The following ITPRIP variants were observed in gnomAD, a reference collection of about 807,000 sequenced individuals.
ITPRIP encodes inositol 1,4,5-trisphosphate receptor interacting protein, also known as inositol 1,4,5-trisphosphate receptor-interacting protein.
A neutral mutation model predicts 35.8 loss-of-function variants in ITPRIP; 32 were observed. That is an observed-to-expected ratio of 0.89 (90% CI 0.68 to 1.20). The LOEUF (loss-of-function observed/expected upper bound fraction) is 1.20, where lower values mean the gene tolerates loss of function less well. ITPRIP is among the 50% of genes most tolerant of loss of function. The pLI, the probability that ITPRIP is intolerant of heterozygous loss-of-function variation, is 0.00. For missense variants in ITPRIP, 653 were observed against 735.6 expected (o/e 0.89, Z 1.30); for synonymous variants, 358 against 324.0 (o/e 1.11, Z -1.13).
intron 1 of ITPRIP, among the ~76,000 whole-genome samples, chr10:104,317,130 T>C (rs2013713669): frequency 6.6e-6 from 1 of 152,190 alleles, no homozygotes; most frequent in African/African-American, 2.4e-5. Flanking sequence ...CCTTACCCCA[T>C]ATTCAGACAC....
chr10:104,327,896 G>A (rs1241000170), intron 1 of ITPRIP, among the ~76,000 whole-genome samples: 1 of 152,226 alleles, frequency 6.6e-6, no homozygotes, highest in Non-Finnish European at 1.5e-5. Context: ...TGTCGCCCTG[G>A]TGTGCCCGAC....
intron 1 of ITPRIP, among the ~76,000 whole-genome samples, chr10:104,329,691 G>C (rs1172278168): frequency 6.6e-6 from 1 of 152,070 alleles, no homozygotes; most frequent in South Asian, 2.1e-4. Context: ...CAGAGGCTTA[G>C]AGAACCATTG....
Position 104,314,490 on chromosome 10 carries a change from TAGA to T in ITPRIP, c.1559_1561del (p.Phe520del). On this transcript the variant is annotated inframe_deletion, in exon 2 of 2. Transcript: ENST00000337478. Reference sequence around the variant, plus strand: ...CGCTGGGGCATTCTTGAGCATCTCATAGAAGGAGTCCAGTGTCTTACGGTAAAG... The same window carrying T: ...CGCTGGGGCATTCTTGAGCATCTCATAGGAGTCCAGTGTCTTACGGTAAAG... 1 of 1,614,134 alleles carries T rather than the reference TAGA, an allele frequency of 6.2e-7. No homozygotes were observed. Among genetic ancestry groups the T allele is most frequent in the Non-Finnish European group, 8.5e-7 (1 of 1,180,016 alleles).
In ITPRIP at chr10:104,326,062, T is replaced by A. The variant is rs920022929; in HGVS notation, c.-13-9998A>T. Among the ~76,000 whole-genome samples the A allele has an allele frequency of 6.6e-6, 1 of 152,120 alleles. No homozygotes were observed. Among genetic ancestry groups the A allele is most frequent in the African/African-American group, 2.4e-5 (1 of 41,438 alleles). ...TTTTTGCTCCAGCGAGCCTCTGTTG[T>A]CTGCATGTGGACACTCTGGCCGGAC... On this transcript the variant is annotated intron_variant, in intron 1 of 1. Coordinates refer to ENST00000337478, the MANE Select transcript of ITPRIP (RefSeq NM_001272013.2). The surrounding 1 kb of genome is among the most constrained non-coding windows in gnomAD (Gnocchi z 4.8).
chr10:104,320,403 A>T (rs2013812489), intron 1 of ITPRIP, among the ~76,000 whole-genome samples: 1 of 152,094 alleles, frequency 6.6e-6, no homozygotes, highest in South Asian at 2.1e-4. Context: ...CGTTCAACCA[A>T]TTGCCAGTCA....
Position 104,316,077 on chromosome 10 carries a change from A to T in ITPRIP, c.-13-13T>A, listed in dbSNP as rs1265531743. 6.5e-7 allele frequency: 1 copy of T among 1,535,278 alleles called. No homozygotes were observed. The highest frequency in any genetic ancestry group is 1.3e-5 in the South Asian group (1 of 79,960). ...GGTTGGAGCTTTCCTGGGAACAGAG[A>T]GACAGATGGTCACACCAAGCTTCCC... On this transcript the variant is annotated splice_polypyrimidine_tract_variant and intron_variant, in intron 1 of 1. Coordinates refer to ENST00000337478, the MANE Select transcript of ITPRIP (RefSeq NM_001272013.2).
rs969283574 is a variant in ITPRIP, at chr10:104,315,255, A to T, written c.797T>A (p.Met266Lys). ...ICGKTKLGED[M>K]LCLLHGRNSM... Reference sequence around the variant, plus strand: ...GTTCCTGCCGTGCAGGAGACACAGCATGTCTTCCCCGAGCTTGGTCTTGCC... The same window carrying T: ...GTTCCTGCCGTGCAGGAGACACAGCTTGTCTTCCCCGAGCTTGGTCTTGCC... Residue 266 changes from methionine to lysine, a missense_variant, in exon 2 of 2, where the codon ATG becomes AAG. Met to Lys is a moderately conservative substitution (Grantham distance 95). Transcript: ENST00000337478. The surrounding 1 kb of genome is among the most constrained non-coding windows in gnomAD (Gnocchi z 5.7). The T allele has an allele frequency of 1.2e-6, 2 of 1,610,272 alleles. No individual in the cohort carries two copies. The highest frequency in any genetic ancestry group is 1.7e-6 in the Non-Finnish European group (2 of 1,177,556).
intron 1 of ITPRIP, among the ~76,000 whole-genome samples, chr10:104,337,004 T>C (rs889140811): frequency 6.6e-6 from 1 of 151,832 alleles, no homozygotes; most frequent in Non-Finnish European, 1.5e-5. Context: ...GTGGAGAAAA[T>C]CCGAAGGCAG....
rs765635587 is a variant in ITPRIP, at chr10:104,315,780, G to T, written c.272C>A (p.Thr91Asn). ...CATCAGGAAGAGGATCATGCAGAGG[G>T]TGCTCCAGAGGTCCCAGGCCACGCG... ...ETRVAWDLWS[T>N]LCMILFLMIE... The change falls in exon 2 of 2, where the codon ACC (threonine) becomes AAC (asparagine). Residue 91 changes from threonine (T) to asparagine (N), a missense_variant. Physicochemically the swap from Thr to Asn is moderately conservative, Grantham distance 65. Coordinates refer to ENST00000337478, the MANE Select transcript of ITPRIP (RefSeq NM_001272013.2). This position sits in a 1 kb window ranked among gnomAD's most constrained non-coding sequence, Gnocchi z 5.7. 5.0e-6 allele frequency: 8 copies of T among 1,613,976 alleles called. No homozygotes were observed. The highest frequency in any genetic ancestry group is 1.1e-5 in the South Asian group (1 of 91,086).
rs1408300208 is a variant in ITPRIP at position 104,312,328 on chromosome 10, AAGG to A, written c.*2077_*2079del. On this transcript the variant is annotated 3_prime_UTR_variant, in exon 2 of 2. Coordinates refer to ENST00000337478, the MANE Select transcript of ITPRIP (RefSeq NM_001272013.2). ...TTCAGTGAACTTTCTCCTGGAAGCA[AAGG>A]AGAAGCTATGGGAGATCCAGGCATG... 1 of 152,618 alleles carries A rather than the reference AAGG, an allele frequency of 6.6e-6. No homozygotes were observed. Among genetic ancestry groups the A allele is most frequent in the African/African-American group, 2.4e-5 (1 of 41,438 alleles). 9.5% of individuals were successfully genotyped at this position (152,618 alleles called of 1,614,324 possible).
intron 1 of ITPRIP, among the ~76,000 whole-genome samples, chr10:104,319,462 G>A (rs1167935601): frequency 6.6e-6 from 1 of 152,170 alleles, no homozygotes; most frequent in Non-Finnish European, 1.5e-5. Flanking sequence ...AGTCCACCCT[G>A]GCCCCCAGCA....
chr10:104,334,419 CT>C (rs1186726477), intron 1 of ITPRIP, among the ~76,000 whole-genome samples: 1 of 152,232 alleles, frequency 6.6e-6, no homozygotes, highest in African/African-American at 2.4e-5. Context: ...GGATCATCCT[CT>C]TGATTTGCAT....
chr10:104,316,180 A>G (rs937755019), intron 1 of ITPRIP, 116 bp from the exon 2 acceptor site: 1 of 829,078 alleles, frequency 1.2e-6, no homozygotes, highest in Non-Finnish European at 1.8e-6. Flanking sequence ...CTCCCACCCA[A>G]CCCATCGAGA....
intron 1 of ITPRIP, among the ~76,000 whole-genome samples, chr10:104,316,646 C>T (rs183411493): frequency 1.3e-5 from 2 of 152,124 alleles, no homozygotes; most frequent in East Asian, 3.8e-4. Flanking sequence ...GCAGAACCCC[C>T]CCTCCCCACA....
intron 1 of ITPRIP, among the ~76,000 whole-genome samples, chr10:104,320,905 C>A (rs1445461109): frequency 6.6e-6 from 1 of 152,182 alleles, no homozygotes. Context: ...TTCAGGATCT[C>A]TTGGGACTGT....
chr10:104,329,181 T>TA (rs1372460668), intron 1 of ITPRIP, among the ~76,000 whole-genome samples: 2 of 151,582 alleles, frequency 1.3e-5, no homozygotes, highest in Admixed American at 6.6e-5. Context: ...AGCCCAGCTG[T>TA]AAAAAAAATT....
In ITPRIP at chr10:104,315,047, C is replaced by T. The variant is rs374912183; in HGVS notation, c.1005G>A (p.Lys335=). 11 of 1,614,054 alleles carry T rather than the reference C, an allele frequency of 6.8e-6. No individual in the cohort carries two copies. The highest frequency in any genetic ancestry group is 9.3e-6 in the Non-Finnish European group (11 of 1,180,044). The change falls in exon 2 of 2, where the codon AAG becomes AAA. Residue 335 remains lysine, a synonymous_variant. Transcript: ENST00000337478. This position sits in a 1 kb window ranked among gnomAD's most constrained non-coding sequence, Gnocchi z 5.7. ...TGAACTTCCCTGAACGGAACTTGAT[C>T]TTCAGGGACCCCGGGCTGTCCAGCT... ...FGQLDSPGSL[K]IKFRSGKFMP...
At position 104,312,942 on chromosome 10, in the gene ITPRIP, G is replaced by C. The variant is rs2013524581; in HGVS notation, c.*1466C>G. On this transcript the variant is annotated 3_prime_UTR_variant, in exon 2 of 2. Transcript: ENST00000337478. Reference sequence around the variant, plus strand: ...TAACGGTGAGATAGGAAATCTCAAAGGGCCAGTGAAGCCACAGGTGGAAAA... The same window carrying C: ...TAACGGTGAGATAGGAAATCTCAAACGGCCAGTGAAGCCACAGGTGGAAAA... 1.0e-6 allele frequency: 1 copy of C among 985,372 alleles called. No homozygotes were observed. Among genetic ancestry groups the C allele is most frequent in the Admixed American group, 6.1e-5 (1 of 16,264 alleles). 61.0% of individuals were successfully genotyped at this position (985,372 alleles called of 1,614,324 possible).
chr10:104,312,923 T>A lies in ITPRIP; in HGVS notation c.*1485A>T. ...CCTGCAAGGGTAACTGAAGTAACGGTGAGATAGGAAATCTCAAAGGGCCAG... is the reference window on the plus strand; with the variant it reads ...CCTGCAAGGGTAACTGAAGTAACGGAGAGATAGGAAATCTCAAAGGGCCAG... On this transcript the variant is annotated 3_prime_UTR_variant, in exon 2 of 2. Transcript: ENST00000337478. 1.0e-6 allele frequency: 1 copy of A among 985,420 alleles called. No homozygotes were observed. Among genetic ancestry groups the A allele is most frequent in the Non-Finnish European group, 1.2e-6 (1 of 829,932 alleles). 61.0% of individuals were successfully genotyped at this position (985,420 alleles called of 1,614,324 possible). A position where few individuals can be genotyped will look rare whatever the true frequency, so the allele number is the denominator to read the frequency against.
Sources: allele counts gnomAD v4.1 joint callset (sites outside exome capture counted in the v4.1 genomes callset), GRCh38; gene constraint gnomAD v4.1.1; non-coding constraint Gnocchi (gnomAD v3.1); transcripts MANE v1.5; gene names NCBI Gene and HGNC (gene_info 2026-07-23, HGNC 2026-07-21).